The following LIMCH1 variants were observed in gnomAD, a reference collection of about 807,000 sequenced individuals.
The protein encoded by LIMCH1 is LIM and calponin homology domains 1, also known as LIM and calponin homology domains-containing protein 1.
A neutral mutation model predicts 176.5 loss-of-function variants in LIMCH1; 113 were observed. That is an observed-to-expected ratio of 0.64 (90% CI 0.55 to 0.75). LIMCH1 has a LOEUF of 0.75. Ranked by LOEUF, LIMCH1 falls within the 30% of genes least tolerant of loss-of-function variation. LIMCH1 has a pLI of 0.00. For synonymous variants in LIMCH1, 619 were observed against 645.9 expected (o/e 0.96, Z 0.63); for missense variants, 1,674 against 1,814.9 (o/e 0.92, Z 1.41).
At position 41,633,666 on chromosome 4, in the gene LIMCH1, C is replaced by G. The variant is rs1403956416; in HGVS notation, c.1948C>G (p.Arg650Gly). Residue 650 changes from arginine to glycine, a missense_variant, in exon 13 of 32, where the codon CGA becomes GGA. This residue lies in a region of LIMCH1 where 1,015 missense variants were observed against 1,102.5 expected (regional missense o/e 0.92). Coordinates refer to ENST00000503057, the MANE Select transcript of LIMCH1 (RefSeq NM_001330672.2). ...AGGCCAGCGAAAGTTGGATGATTCA[C>G]GAAAAGATGACATGATGGCCAGGAG... ...LKGQRKLDDS[R>G]KDDMMARRTG... 2 of 1,536,112 alleles carry G rather than the reference C, an allele frequency of 1.3e-6. No individual in the cohort carries two copies. Among genetic ancestry groups the G allele is most frequent in the Admixed American group, 3.9e-5 (2 of 50,996 alleles).
At chr4:41,686,880 C>T (rs1353074924) in intron 28 of LIMCH1, among the ~76,000 whole-genome samples, 1 of 152,174 alleles carries the variant, frequency 6.6e-6, no homozygotes, top group Non-Finnish European at 1.5e-5. Flanking sequence ...GTCTGTATGA[C>T]ACTCAGAATC....
intron 1 of LIMCH1, among the ~76,000 whole-genome samples, chr4:41,379,015 A>G (rs556449397): frequency 1.8e-4 from 28 of 152,230 alleles, no homozygotes; most frequent in Non-Finnish European, 4.1e-4. Flanking sequence ...GAAAACTGTT[A>G]AAAGTTTTTT....
chr4:41,593,761 T>G (rs2088126864), intron 1 of LIMCH1, among the ~76,000 whole-genome samples: 1 of 152,186 alleles, frequency 6.6e-6, no homozygotes, highest in Non-Finnish European at 1.5e-5. Flanking sequence ...ACAACAACAG[T>G]GTTGAATTAT....
intron 14 of LIMCH1, 66 bp from the exon 15 acceptor site, chr4:41,644,434 C>G (rs1356764116): frequency 1.2e-5 from 17 of 1,416,638 alleles, no homozygotes; most frequent in Non-Finnish European, 1.6e-5. Flanking sequence ...GCAGGACGCC[C>G]AGGCGCGCGG....
At chr4:41,614,719 C>G (rs1390692154) in intron 5 of LIMCH1, among the ~76,000 whole-genome samples, 3 of 152,182 alleles carry the variant, frequency 2.0e-5, no homozygotes, top group African/African-American at 7.2e-5. Context: ...GTATCTCATT[C>G]AACACTCCCA....
chr4:41,670,912 C>T (rs1384218547), intron 21 of LIMCH1: 1 of 1,446,772 alleles, frequency 6.9e-7, no homozygotes, highest in Non-Finnish European at 9.1e-7. Context: ...TTCTTATGCA[C>T]AGTTAGCAAA....
intron 20 of LIMCH1, among the ~76,000 whole-genome samples, chr4:41,664,773 C>G (rs534527007): frequency 3.3e-4 from 50 of 152,326 alleles, no homozygotes; most frequent in African/African-American, 1.1e-3. Flanking sequence ...CTGTGGATCA[C>G]CAGAGTCACA....
Position 41,631,296 on chromosome 4 carries a change from G to C in LIMCH1, c.1420G>C (p.Val474Leu), listed in dbSNP as rs771678937. 6.5e-7 allele frequency: 1 copy of C among 1,536,104 alleles called. No homozygotes were observed. Among genetic ancestry groups the C allele is most frequent in the South Asian group, 1.2e-5 (1 of 84,058 alleles). The change falls in exon 10 of 32, where the codon GTG becomes CTG. Residue 474 changes from valine to leucine, a missense_variant. By Grantham distance (32) the Val-to-Leu change is conservative. Transcript: ENST00000503057. ...GCAAAAGTTTGTGCACTTTGGGCCA[G>C]TGACGGAGCTAGATCAGCAGAAATG... ...PRQKFVHFGP[V>L]TELDQQKWKR...
Position 41,650,461 on chromosome 4 carries a change from CACGGT to C in LIMCH1, c.2890_2894del (p.Thr964GlyfsTer13), listed in dbSNP as rs1562085233. The C allele has an allele frequency of 6.2e-7, 1 of 1,614,024 alleles. No individual in the cohort carries two copies. The highest frequency in any genetic ancestry group is 1.7e-5 in the Admixed American group (1 of 60,028). ...AGGAGGAGAAGGAAAGAGAGTGTCCCACGGTGGCACCTGCCCACTCCTTAACCAAA... is the reference window on the plus strand; with the variant it reads ...AGGAGGAGAAGGAAAGAGAGTGTCCCGGCACCTGCCCACTCCTTAACCAAA... On this transcript the variant is annotated frameshift_variant, in exon 18 of 32. Coordinates refer to ENST00000503057, the MANE Select transcript of LIMCH1 (RefSeq NM_001330672.2). LOFTEE classifies it high-confidence loss of function.
intron 1 of LIMCH1, among the ~76,000 whole-genome samples, chr4:41,438,938 A>G (rs746887198): frequency 5.9e-5 from 9 of 152,218 alleles, no homozygotes; most frequent in Non-Finnish European, 1.3e-4. Context: ...GCCATGGACC[A>G]GCAGTGATCA....
intron 18 of LIMCH1, among the ~76,000 whole-genome samples, chr4:41,657,127 C>A (rs1173372666): frequency 6.6e-6 from 1 of 152,226 alleles, no homozygotes; most frequent in Non-Finnish European, 1.5e-5. Flanking sequence ...TAAGGGGAAG[C>A]CAGCTCCTGG....
At chr4:41,546,000 T>G (rs1021830558) in intron 1 of LIMCH1, among the ~76,000 whole-genome samples, 4 of 152,194 alleles carry the variant, frequency 2.6e-5, no homozygotes, top group African/African-American at 9.7e-5. Flanking sequence ...ACCTGTTTAT[T>G]CATTCATCAA....
At chr4:41,590,567 C>T (rs1181463463) in intron 1 of LIMCH1, among the ~76,000 whole-genome samples, 1 of 152,136 alleles carries the variant, frequency 6.6e-6, no homozygotes, top group African/African-American at 2.4e-5. Flanking sequence ...TCAGAGGCCT[C>T]CTCTGTCTCA....
intron 1 of LIMCH1, among the ~76,000 whole-genome samples, chr4:41,468,887 C>T (rs895999820): frequency 3.9e-5 from 6 of 151,980 alleles, no homozygotes; most frequent in Non-Finnish European, 8.8e-5. Context: ...ATGGAGAGAC[C>T]GTTATTTTTT....
chr4:41,537,971 A>G (rs1232500948), upstream of LIMCH1, among the ~76,000 whole-genome samples: 2 of 152,256 alleles, frequency 1.3e-5, no homozygotes, highest in Non-Finnish European at 2.9e-5. Flanking sequence ...CTAGATCCAG[A>G]TTTCCTGACA....
intron 1 of LIMCH1, among the ~76,000 whole-genome samples, chr4:41,468,612 G>T (rs2066506937): frequency 6.6e-6 from 1 of 151,736 alleles, no homozygotes; most frequent in Non-Finnish European, 1.5e-5. Flanking sequence ...TTACATAGTA[G>T]ACAGTACATA....
intron 1 of LIMCH1, among the ~76,000 whole-genome samples, chr4:41,549,785 T>G (rs2080128983): frequency 2.0e-5 from 3 of 152,126 alleles, no homozygotes; most frequent in Admixed American, 1.3e-4. Context: ...TTCATTAAAT[T>G]TTTTAAGCAT....
chr4:41,403,470 A>G (rs1313263783), intron 1 of LIMCH1, among the ~76,000 whole-genome samples: 3 of 152,056 alleles, frequency 2.0e-5, no homozygotes, highest in Non-Finnish European at 2.9e-5. Context: ...AATCCCAGCT[A>G]TTCGGGAGGC....
intron 3 of LIMCH1, among the ~76,000 whole-genome samples, chr4:41,525,278 G>A (rs1366989501): frequency 6.6e-6 from 1 of 152,224 alleles, no homozygotes; most frequent in Non-Finnish European, 1.5e-5. Context: ...GAGGAAGTAT[G>A]TAGCTCGGTA....
Sources: allele counts gnomAD v4.1 joint callset (sites outside exome capture counted in the v4.1 genomes callset), GRCh38; gene constraint gnomAD v4.1.1; regional missense constraint gnomAD v4.1.1; transcripts MANE v1.5; gene names NCBI Gene and HGNC (gene_info 2026-07-23, HGNC 2026-07-21).